LGSN: variants seen among roughly 807,000 people sequenced by gnomAD.
LGSN encodes lengsin.
In LGSN, 21 loss-of-function variants were observed where a neutral mutation model predicts 19.5. The ratio of observed to expected loss-of-function variants is 1.07; its 90% CI spans 0.76 to 1.55. The LOEUF (loss-of-function observed/expected upper bound fraction) is 1.55. Ranked by LOEUF, LGSN falls within the 40% of genes most tolerant of loss-of-function variation. LGSN has a pLI of 0.00. For synonymous variants in LGSN, 257 were observed against 215.6 expected (o/e 1.19, Z -1.68); for missense variants, 673 against 608.5 (o/e 1.11, Z -1.12).
At chr6:63,295,738 T>C (rs1393003732) in intron 1 of LGSN, among the ~76,000 whole-genome samples, 2 of 152,134 alleles carry the variant, frequency 1.3e-5, no homozygotes, top group African/African-American at 4.8e-5. Flanking sequence ...AGCAGGGAGC[T>C]AGGCAGTGAG....
At chr6:63,360,871 A>G in the LGSN span, among the ~76,000 whole-genome samples, 1 of 152,148 alleles carries the variant, frequency 6.6e-6, no homozygotes. Flanking sequence ...TTTTCCTTCT[A>G]ACAGTCAGCA....
chr6:63,380,117 C>T, the LGSN span, among the ~76,000 whole-genome samples: 7 of 152,312 alleles, frequency 4.6e-5, no homozygotes, highest in African/African-American at 1.7e-4. Flanking sequence ...GGATTACAGG[C>T]ATGAGCCACC....
the LGSN span, among the ~76,000 whole-genome samples, chr6:63,497,539 C>T: frequency 2.0e-5 from 3 of 151,922 alleles, no homozygotes; most frequent in Non-Finnish European, 2.9e-5. Flanking sequence ...GGTGGCAGAG[C>T]GAGACTCCGT....
At chr6:63,344,822 A>G in the LGSN span, among the ~76,000 whole-genome samples, 1 of 152,214 alleles carries the variant, frequency 6.6e-6, no homozygotes, top group African/African-American at 2.4e-5. Flanking sequence ...TACTCATAGA[A>G]TGATATTTGG....
intron 1 of LGSN, among the ~76,000 whole-genome samples, chr6:63,301,119 C>T (rs1296057638): frequency 2.0e-5 from 3 of 152,038 alleles, no homozygotes; most frequent in African/African-American, 7.2e-5. Flanking sequence ...AGTGAAACCC[C>T]ATCTCTACTA....
At chr6:63,497,918 C>CTTTTTTTTTTTTTTTTT in the LGSN span, among the ~76,000 whole-genome samples, 370 of 121,712 alleles carry the variant, frequency 3.0e-3, no homozygotes, top group African/African-American at 4.3e-3. Flanking sequence ...TGTCATGTTT[C>CTTTTTTTTTTTTTTTTT]TTTTTTTTTT....
At chr6:63,354,681 C>T in the LGSN span, among the ~76,000 whole-genome samples, 8 of 152,096 alleles carry the variant, frequency 5.3e-5, no homozygotes, top group South Asian at 2.1e-4. Flanking sequence ...GAGACATCTG[C>T]GCTCACATAT....
the LGSN span, among the ~76,000 whole-genome samples, chr6:63,523,350 T>C: frequency 6.6e-6 from 1 of 151,900 alleles, no homozygotes; most frequent in Non-Finnish European, 1.5e-5. Context: ...CTGGCCAACA[T>C]GGCAAAACCC....
intron 1 of LGSN, among the ~76,000 whole-genome samples, chr6:63,316,373 A>C (rs1582053137): frequency 6.6e-6 from 1 of 152,176 alleles, no homozygotes; most frequent in East Asian, 1.9e-4. Flanking sequence ...ATCAACCCAT[A>C]AACAAATCTC....
chr6:63,278,423 C>T lies in LGSN; in HGVS notation c.*1598G>A, dbSNP rs1767164479. On this transcript the variant is annotated 3_prime_UTR_variant, in exon 4 of 4. Transcript: ENST00000370657. ...CCCAGCTACCCTACACTATCTTTCT[C>T]TCTACCCCATATGCATCCATGAATT... 6.6e-6 allele frequency: 1 copy of T among 151,982 alleles called. No individual in the cohort carries two copies. The highest frequency in any genetic ancestry group is 1.5e-5 in the Non-Finnish European group (1 of 68,032). 9.4% of individuals were successfully genotyped at this position (151,982 alleles called of 1,614,324 possible). A position where few individuals can be genotyped will look rare whatever the true frequency, so the allele number is the denominator to read the frequency against.
the LGSN span, among the ~76,000 whole-genome samples, chr6:63,365,254 T>A: frequency 6.6e-6 from 1 of 152,140 alleles, no homozygotes; most frequent in East Asian, 1.9e-4. Context: ...AGAAAGGGGA[T>A]ATCACCATCG....
At chr6:63,299,390 C>G (rs1199056792) in intron 1 of LGSN, among the ~76,000 whole-genome samples, 1 of 152,152 alleles carries the variant, frequency 6.6e-6, no homozygotes, top group East Asian at 1.9e-4. Flanking sequence ...CCTATCCATC[C>G]TGTCTTAACT....
At chr6:63,493,150 T>A in the LGSN span, among the ~76,000 whole-genome samples, 1 of 152,220 alleles carries the variant, frequency 6.6e-6, no homozygotes, top group Non-Finnish European at 1.5e-5. Context: ...TTCCTGAATG[T>A]CTGCTTTGGT....
chr6:63,379,381 C>CA, the LGSN span, among the ~76,000 whole-genome samples: 1 of 152,180 alleles, frequency 6.6e-6, no homozygotes, highest in Non-Finnish European at 1.5e-5. Flanking sequence ...CCTCAGCAGA[C>CA]ATCCAGTGCC....
At chr6:63,559,513 G>T in the LGSN span, among the ~76,000 whole-genome samples, 2 of 152,142 alleles carry the variant, frequency 1.3e-5, no homozygotes, top group Non-Finnish European at 2.9e-5. Flanking sequence ...TTGGGAGGCC[G>T]AGGTGGGCGG....
the LGSN span, among the ~76,000 whole-genome samples, chr6:63,466,723 A>G: frequency 6.6e-6 from 1 of 152,172 alleles, no homozygotes; most frequent in African/African-American, 2.4e-5. Context: ...AACTGGAAGG[A>G]TAGAGTTAGT....
Position 63,294,340 on chromosome 6 carries a change from A to T in LGSN, c.163+573T>A, listed in dbSNP as rs1276903072. On this transcript the variant is annotated intron_variant, in intron 2 of 3. Transcript: ENST00000370657. The stretch of plus-strand genomic sequence containing the variant: ...ACAGAGTGAGACTCTGTCTCAAAAA[A>T]ATAAATTAATTAATTAAAAATAAAT... Among the ~76,000 whole-genome samples the T allele has an allele frequency of 3.9e-5, 6 of 152,178 alleles. No homozygotes were observed. The East Asian group carries it at 1.2e-3, about 29-fold the overall frequency.
chr6:63,569,253 C>G, the LGSN span, among the ~76,000 whole-genome samples: 1 of 152,100 alleles, frequency 6.6e-6, no homozygotes, highest in African/African-American at 2.4e-5. Context: ...ATAAAAATAT[C>G]GCTTATAATA....
At position 63,276,030 on chromosome 6, in the gene LGSN, T is replaced by C. The variant is rs1329186230; in HGVS notation, c.*3991A>G. The C allele has an allele frequency of 6.6e-6, 1 of 152,230 alleles. No homozygotes were observed. The highest frequency in any genetic ancestry group is 2.4e-5 in the African/African-American group (1 of 41,454). 9.4% of individuals were successfully genotyped at this position (152,230 alleles called of 1,614,324 possible). The stretch of plus-strand genomic sequence containing the variant: ...GAAGTATCATGTAAACCCCTAATTA[T>C]AGGCAGCATGAGAAGAGCTTTAACA... On this transcript the variant is annotated 3_prime_UTR_variant, in exon 4 of 4. Coordinates refer to ENST00000370657, the MANE Select transcript of LGSN (RefSeq NM_016571.3).
Sources: allele counts gnomAD v4.1 joint callset (sites outside exome capture counted in the v4.1 genomes callset), GRCh38; gene constraint gnomAD v4.1.1; transcripts MANE v1.5; gene names NCBI Gene and HGNC (gene_info 2026-07-23, HGNC 2026-07-21).